Variants in PDE4A observed in about 807,000 individuals in gnomAD.
PDE4A encodes the protein 3',5'-cyclic-AMP phosphodiesterase 4A.
A neutral mutation model predicts 73.9 loss-of-function variants in PDE4A; 21 were observed. The observed-to-expected ratio is 0.28, with a 90% CI of 0.20 to 0.41. The LOEUF (loss-of-function observed/expected upper bound fraction) is 0.41. PDE4A is among the 10% of genes least tolerant of loss of function. PDE4A has a pLI of 1.00. For synonymous variants in PDE4A, 463 were observed against 505.4 expected (o/e 0.92, Z 1.13); for missense variants, 958 against 1,211.4 (o/e 0.79, Z 3.10).
chr19:10,439,638 G>A (rs1291910708), intron 1 of PDE4A, among the ~76,000 whole-genome samples: 1 of 152,146 alleles, frequency 6.6e-6, no homozygotes, highest in Admixed American at 6.6e-5. Context: ...GGGATGCGAA[G>A]AGTCCAGGCC....
chr19:10,464,937 G>A (rs149605686), intron 14 of PDE4A, among the ~76,000 whole-genome samples: 59 of 151,296 alleles, frequency 3.9e-4, no homozygotes, highest in African/African-American at 1.3e-3. Flanking sequence ...GGCTGGTCTC[G>A]AACTCCTGGG....
Position 10,424,765 on chromosome 19 carries a change from G to A in PDE4A, c.320+3681G>A, listed in dbSNP as rs560799828. 2.4e-3 allele frequency among the ~76,000 whole-genome samples: 363 copies of A among 152,374 alleles called. No homozygotes were observed. Among genetic ancestry groups the A allele is most frequent in the Non-Finnish European group, 4.4e-3 (301 of 68,026 alleles). On this transcript the variant is annotated intron_variant, in intron 1 of 14. Transcript: ENST00000380702. The surrounding 1 kb of genome is among the most constrained non-coding windows in gnomAD (Gnocchi z 4.8). ...GGACTGTCGTCTGGAGGACAGGGAG[G>A]AACCTGGCCGAAAAGTTGCAGCCGT...
chr19:10,436,675 T>C (rs2042869212), intron 1 of PDE4A, among the ~76,000 whole-genome samples: 3 of 152,200 alleles, frequency 2.0e-5, no homozygotes. Context: ...ATTCAATAAA[T>C]GTCTTGTTAT....
Position 10,463,858 on chromosome 19 carries a change from C to T in PDE4A, c.1809C>T (p.Arg603=), listed in dbSNP as rs2043320220. The change falls in exon 14 of 15, where the codon CGC becomes CGT. Residue 603 remains arginine, a synonymous_variant. Coordinates refer to ENST00000380702, the MANE Select transcript of PDE4A (RefSeq NM_001111307.2). ...SNPTKPLELY[R]QWTDRIMAEF... is the part of the protein sequence containing the mutation. ...CCACCAAGCCGCTGGAGCTGTACCG[C>T]CAGTGGACAGACCGCATCATGGCCG... 6.2e-7 allele frequency: 1 copy of T among 1,614,072 alleles called. No individual in the cohort carries two copies. Among genetic ancestry groups the T allele is most frequent in the Non-Finnish European group, 8.5e-7 (1 of 1,180,040 alleles).
intron 1 of PDE4A, among the ~76,000 whole-genome samples, chr19:10,435,984 C>G (rs1278109399): frequency 2.0e-5 from 3 of 152,198 alleles, no homozygotes; most frequent in African/African-American, 7.2e-5. Flanking sequence ...AGGGAGTGTC[C>G]TCTTCCCATC....
chr19:10,437,323 C>T (rs1439047942), intron 1 of PDE4A, among the ~76,000 whole-genome samples: 1 of 152,072 alleles, frequency 6.6e-6, no homozygotes, highest in Non-Finnish European at 1.5e-5. Context: ...GGGGTTTCAC[C>T]ATGTTGGTCA....
At chr19:10,436,743 C>A (rs1206942507) in intron 1 of PDE4A, among the ~76,000 whole-genome samples, 2 of 151,996 alleles carry the variant, frequency 1.3e-5, no homozygotes, top group African/African-American at 2.4e-5. Context: ...AGGTGCTCAA[C>A]AAATGGACAC....
At chr19:10,459,292 T>G in intron 8 of PDE4A, 108 bp from the exon 9 acceptor site, 2 of 1,557,568 alleles carry the variant, frequency 1.3e-6, no homozygotes, top group Non-Finnish European at 1.7e-6. Flanking sequence ...ACCCACTGGG[T>G]GAGCAATAAT....
At chr19:10,417,432 C>T, upstream of PDE4A, 1 of 984,668 alleles carries the variant, frequency 1.0e-6, no homozygotes, top group Non-Finnish European at 1.2e-6. Context: ...AAGGCTGGGG[C>T]ATCGAGAGGG....
Position 10,420,882 on chromosome 19 carries a change from C to A in PDE4A, c.118C>A (p.Pro40Thr). The A allele has an allele frequency of 6.3e-7, 1 of 1,590,112 alleles. No individual in the cohort carries two copies. Among genetic ancestry groups the A allele is most frequent in the African/African-American group, 1.4e-5 (1 of 73,896 alleles). The change falls in exon 1 of 15, where the codon CCC becomes ACC. Residue 40 changes from proline to threonine, a missense_variant. Physicochemically the swap from Pro to Thr is conservative, Grantham distance 38. This residue lies in a region of PDE4A where 145 missense variants were observed against 137.8 expected (regional missense o/e 1.05). Coordinates refer to ENST00000380702, the MANE Select transcript of PDE4A (RefSeq NM_001111307.2). This position sits in a 1 kb window ranked among gnomAD's most constrained non-coding sequence, Gnocchi z 6.0. ...GCACCTGTGGCGGCAGCCTCGGACC[C>A]CCATCCGTATCCAGCAGCGCGGCTA... ...PQHLWRQPRT[P>T]IRIQQRGYSD...
At chr19:10,466,636 G>A (rs1169423150) in intron 14 of PDE4A, among the ~76,000 whole-genome samples, 1 of 151,716 alleles carries the variant, frequency 6.6e-6, no homozygotes, top group Non-Finnish European at 1.5e-5. Flanking sequence ...CTGAACTACA[G>A]GCATGCACCA....
intron 1 of PDE4A, chr19:10,431,181 A>G (rs1268167772): frequency 1.5e-5 from 13 of 861,540 alleles, no homozygotes; most frequent in Non-Finnish European, 2.1e-5. Context: ...CTCCAGCCTC[A>G]CTTTCCTCTT....
At chr19:10,450,986 C>T (rs1568377173) in intron 6 of PDE4A, 45 bp downstream of exon 6, 4 of 1,277,852 alleles carry the variant, frequency 3.1e-6, no homozygotes, top group East Asian at 2.6e-5. Context: ...CAGGCGGGGG[C>T]GGGGCCAGTG....
chr19:10,431,209 T>C (rs2042784618), intron 1 of PDE4A: 2 of 670,290 alleles, frequency 3.0e-6, no homozygotes, highest in Non-Finnish European at 4.5e-6. Flanking sequence ...ATAGCAGCGA[T>C]CAAAATCATC....
Position 10,458,888 on chromosome 19 carries a change from G to C in PDE4A, c.1102-512G>C, listed in dbSNP as rs2043213007. On this transcript the variant is annotated intron_variant, in intron 8 of 14. Coordinates refer to ENST00000380702, the MANE Select transcript of PDE4A (RefSeq NM_001111307.2). This position sits in a 1 kb window ranked among gnomAD's most constrained non-coding sequence, Gnocchi z 4.6. ...CCCGCCTTAGCCTCACAAAGTGCTGGGATTGCAGGCGTGAGCCACTGCACC... is the reference window on the plus strand; with the variant it reads ...CCCGCCTTAGCCTCACAAAGTGCTGCGATTGCAGGCGTGAGCCACTGCACC... 1 of 157,342 alleles carries C rather than the reference G, an allele frequency of 6.4e-6. No homozygotes were observed. The highest frequency in any genetic ancestry group is 1.4e-5 in the Non-Finnish European group (1 of 71,004). 9.7% of individuals were successfully genotyped at this position (157,342 alleles called of 1,614,324 possible).
upstream of PDE4A, chr19:10,420,134 C>G (rs117083751): frequency 5.1e-3 from 775 of 152,552 alleles, 13 homozygotes; most frequent in East Asian, 0.03. The surrounding 1 kb of genome is among the most constrained non-coding windows in gnomAD (Gnocchi z 6.0). Flanking sequence ...ACTAGGACCA[C>G]TCCTCAAAAA....
upstream of PDE4A, chr19:10,420,446 G>C: frequency 2.2e-6 from 2 of 909,332 alleles, no homozygotes; most frequent in Non-Finnish European, 2.6e-6. The surrounding 1 kb of genome is among the most constrained non-coding windows in gnomAD (Gnocchi z 6.0). Flanking sequence ...GCTGACAGCC[G>C]CGGCGGGCGG....
At chr19:10,437,607 A>G (rs2042882237) in intron 1 of PDE4A, among the ~76,000 whole-genome samples, 2 of 151,960 alleles carry the variant, frequency 1.3e-5, no homozygotes, top group Middle Eastern at 3.4e-3. Context: ...TTGTAGAGAC[A>G]GGGTCTTGCT....
intron 1 of PDE4A, among the ~76,000 whole-genome samples, chr19:10,428,183 C>T (rs1238500758): frequency 6.6e-6 from 1 of 152,012 alleles, no homozygotes; most frequent in Non-Finnish European, 1.5e-5. Context: ...AAAACCCCAT[C>T]TCTAGAAAAA....
Sources: allele counts gnomAD v4.1 joint callset (sites outside exome capture counted in the v4.1 genomes callset), GRCh38; gene constraint gnomAD v4.1.1; regional missense constraint gnomAD v4.1.1; non-coding constraint Gnocchi (gnomAD v3.1); transcripts MANE v1.5; gene names NCBI Gene and HGNC (gene_info 2026-07-23, HGNC 2026-07-21).